Variants in SEMA3C observed in about 807,000 individuals in gnomAD.
The protein encoded by SEMA3C is semaphorin-3C.
In SEMA3C, 47 loss-of-function variants were observed where a neutral mutation model predicts 89.4. The observed-to-expected ratio is 0.53, with a 90% CI of 0.42 to 0.67. The LOEUF (loss-of-function observed/expected upper bound fraction) is 0.67. Ranked by LOEUF, SEMA3C falls within the 30% of genes least tolerant of loss-of-function variation. SEMA3C has a pLI of 0.00. For synonymous variants in SEMA3C, 310 were observed against 320.2 expected (o/e 0.97, Z 0.34); for missense variants, 839 against 929.1 (o/e 0.90, Z 1.26).
intron 12 of SEMA3C, among the ~76,000 whole-genome samples, chr7:80,766,373 T>C (rs1788303245): frequency 6.6e-6 from 1 of 152,250 alleles, no homozygotes; most frequent in Admixed American, 6.5e-5. Context: ...AAACAGGGTA[T>C]GGAGGCAGGG....
intron 11 of SEMA3C, among the ~76,000 whole-genome samples, chr7:80,791,871 C>T (rs1426594713): frequency 2.6e-5 from 4 of 152,172 alleles, no homozygotes; most frequent in Admixed American, 6.5e-5. Flanking sequence ...TAGATCTCAG[C>T]AGATTACTAA....
At chr7:80,870,491 G>A (rs1027670361) in intron 2 of SEMA3C, among the ~76,000 whole-genome samples, 7 of 152,172 alleles carry the variant, frequency 4.6e-5, no homozygotes, top group East Asian at 1.9e-4. Context: ...GCTGCAAAGC[G>A]AATCCTCCTT....
intron 2 of SEMA3C, among the ~76,000 whole-genome samples, chr7:80,837,441 G>T (rs1291213116): frequency 6.6e-6 from 1 of 152,130 alleles, no homozygotes; most frequent in Non-Finnish European, 1.5e-5. Context: ...AGTTACCTTG[G>T]GGTAAATGCT....
At chr7:80,774,770 A>G (rs577508961) in intron 12 of SEMA3C, among the ~76,000 whole-genome samples, 3 of 152,152 alleles carry the variant, frequency 2.0e-5, no homozygotes, top group Non-Finnish European at 4.4e-5. Context: ...GTTTCACAAG[A>G]AGAATAGAGA....
intron 15 of SEMA3C, among the ~76,000 whole-genome samples, chr7:80,753,163 C>CA (rs1398088521): frequency 6.6e-6 from 1 of 152,002 alleles, no homozygotes; most frequent in Non-Finnish European, 1.5e-5. Context: ...TGACCCGTAC[C>CA]GATTGTGTAT....
At chr7:80,788,038 T>C (rs1445271156) in intron 12 of SEMA3C, among the ~76,000 whole-genome samples, 1 of 152,176 alleles carries the variant, frequency 6.6e-6, no homozygotes, top group Non-Finnish European at 1.5e-5. Flanking sequence ...ATATGGGGTT[T>C]TCAAGAATAA....
At chr7:80,915,391 C>A (rs1584007603) in intron 2 of SEMA3C, among the ~76,000 whole-genome samples, 1 of 152,078 alleles carries the variant, frequency 6.6e-6, no homozygotes, top group Non-Finnish European at 1.5e-5. Context: ...CTTATGACAA[C>A]CTTGGGGAAA....
intron 2 of SEMA3C, 138 bp from the exon 3 acceptor site, chr7:80,828,883 T>A: frequency 1.5e-6 from 1 of 675,152 alleles, no homozygotes; most frequent in Non-Finnish European, 2.3e-6. Flanking sequence ...AATTTTAAAA[T>A]AGAGTTATGG....
intron 2 of SEMA3C, among the ~76,000 whole-genome samples, chr7:80,910,099 T>G (rs1792108685): frequency 6.6e-6 from 1 of 152,216 alleles, no homozygotes; most frequent in Non-Finnish European, 1.5e-5. Context: ...ATACAAGCAC[T>G]GCTCATAATT....
Position 80,897,476 on chromosome 7 carries a change from G to T in SEMA3C, c.103+19203C>A, listed in dbSNP as rs528737669. Among the ~76,000 whole-genome samples, 110 of 152,206 alleles carry T rather than the reference G, an allele frequency of 7.2e-4. 1 individual carries two copies. Among genetic ancestry groups the T allele is most frequent in the African/African-American group, 2.4e-3 (99 of 41,546 alleles). ...AGACCACACTTGCCTACATGCCCTG[G>T]CCAATTCTGACCTCCCTTCTTGAAC... On this transcript the variant is annotated intron_variant, in intron 2 of 17. Coordinates refer to ENST00000265361, the MANE Select transcript of SEMA3C (RefSeq NM_006379.5).
chr7:80,757,377 C>G (rs1788089142), intron 15 of SEMA3C, among the ~76,000 whole-genome samples: 1 of 152,190 alleles, frequency 6.6e-6, no homozygotes, highest in Admixed American at 6.5e-5. Context: ...TTCCTTCCAA[C>G]TTGGTACAAG....
At chr7:80,891,911 A>G (rs1436635731) in intron 2 of SEMA3C, among the ~76,000 whole-genome samples, 1 of 152,188 alleles carries the variant, frequency 6.6e-6, no homozygotes, top group Non-Finnish European at 1.5e-5. Context: ...CAATAGTTTT[A>G]TAATTCAAAC....
intron 2 of SEMA3C, among the ~76,000 whole-genome samples, chr7:80,881,057 T>A (rs1562921286): frequency 6.6e-6 from 1 of 152,032 alleles, no homozygotes; most frequent in Non-Finnish European, 1.5e-5. Context: ...CTGATGATAA[T>A]CTACTGAAGT....
At chr7:80,863,930 T>G (rs1238766853) in intron 2 of SEMA3C, among the ~76,000 whole-genome samples, 1 of 125,602 alleles carries the variant, frequency 8.0e-6, no homozygotes, top group African/African-American at 3.6e-5. Context: ...ATATCATATA[T>G]ATCACATATA....
At chr7:80,854,340 C>T (rs1297427027) in intron 2 of SEMA3C, among the ~76,000 whole-genome samples, 1 of 152,140 alleles carries the variant, frequency 6.6e-6, no homozygotes, top group Middle Eastern at 3.2e-3. Flanking sequence ...AAAGGGGAGG[C>T]TCGCTGTTCC....
intron 2 of SEMA3C, among the ~76,000 whole-genome samples, chr7:80,829,135 C>T (rs1789951096): frequency 6.6e-6 from 1 of 152,016 alleles, no homozygotes. Context: ...CTACTGCACG[C>T]CAGCTCTGGC....
intron 12 of SEMA3C, 71 bp downstream of exon 12, chr7:80,789,235 C>T (rs1583878834): frequency 4.1e-6 from 5 of 1,225,042 alleles, no homozygotes; most frequent in Admixed American, 4.1e-5. Context: ...GATCATGGCC[C>T]TTACCTACTA....
Position 80,761,635 on chromosome 7 carries a change from A to G in SEMA3C, c.1466T>C (p.Met489Thr). The change falls in exon 14 of 18, where the codon ATG becomes ACG. Residue 489 changes from methionine to threonine, a missense_variant. Transcript: ENST00000265361. ...TTTTACCTTTTTAGATGAAATTTTC[A>G]TTGTTGTTATAGGAGCATGATTCTA... is the stretch of plus-strand genomic sequence containing the variant. ...VFKNHAPITT[M>T]KISSKKQQLY... 1 of 1,345,972 alleles carries G rather than the reference A, an allele frequency of 7.4e-7. No individual in the cohort carries two copies. The highest frequency in any genetic ancestry group is 1.0e-6 in the Non-Finnish European group (1 of 972,784). The allele number at this position is 1,345,972 out of a possible 1,614,324, so 83.4% of individuals were successfully genotyped here. A position where few individuals can be genotyped will look rare whatever the true frequency, so the allele number is the denominator to read the frequency against.
At chr7:80,826,302 C>A (rs1789871921) in intron 4 of SEMA3C, among the ~76,000 whole-genome samples, 1 of 152,080 alleles carries the variant, frequency 6.6e-6, no homozygotes, top group Non-Finnish European at 1.5e-5. Context: ...ATCTCTTGAC[C>A]CTACCACAAA....
Sources: allele counts gnomAD v4.1 joint callset (sites outside exome capture counted in the v4.1 genomes callset), GRCh38; gene constraint gnomAD v4.1.1; transcripts MANE v1.5; gene names NCBI Gene and HGNC (gene_info 2026-07-23, HGNC 2026-07-21).